MSRA: variants seen among roughly 807,000 people sequenced by gnomAD.
The protein encoded by MSRA is mitochondrial peptide methionine sulfoxide reductase.
A neutral mutation model predicts 31.3 loss-of-function variants in MSRA; 54 were observed. The ratio of observed to expected loss-of-function variants is 1.73; its 90% CI spans 1.39 to 2.17. The LOEUF is 2.17. Ranked by LOEUF, MSRA falls within the 30% of genes most tolerant of loss-of-function variation. The probability of loss-of-function intolerance (pLI) is 0.00; values close to 1 mark genes in which losing one functional copy is unlikely to be tolerated. For synonymous variants in MSRA, 169 were observed against 116.5 expected (o/e 1.45, Z -2.90); for missense variants, 507 against 300.9 (o/e 1.69, Z -5.07).
At chr8:10,412,448 T>C (rs1336320021) in intron 5 of MSRA, among the ~76,000 whole-genome samples, 1 of 152,196 alleles carries the variant, frequency 6.6e-6, no homozygotes, top group Non-Finnish European at 1.5e-5. Context: ...CCTGCAGAGA[T>C]ATTACATGTG....
chr8:10,196,763 G>A (rs1808027644), intron 1 of MSRA, among the ~76,000 whole-genome samples: 1 of 151,498 alleles, frequency 6.6e-6, no homozygotes, highest in Non-Finnish European at 1.5e-5. Context: ...GTAGAAATGG[G>A]GTTTCACCAT....
chr8:10,224,238 A>G (rs1325017717), intron 2 of MSRA, among the ~76,000 whole-genome samples: 1 of 152,184 alleles, frequency 6.6e-6, no homozygotes, highest in African/African-American at 2.4e-5. Context: ...CCAGATTAAG[A>G]AAATTACACT....
intron 5 of MSRA, among the ~76,000 whole-genome samples, chr8:10,359,093 G>C (rs138000957): frequency 1.3e-5 from 2 of 152,182 alleles, no homozygotes; most frequent in African/African-American, 4.8e-5. Context: ...AGCATGTGAT[G>C]TGCTTTTTCA....
chr8:10,332,102 A>G (rs796384823), intron 5 of MSRA, among the ~76,000 whole-genome samples: 1 of 152,158 alleles, frequency 6.6e-6, no homozygotes. Context: ...AATTGAGAAA[A>G]TGTCATGGTT....
At chr8:10,202,424 G>A (rs1293426987) in intron 1 of MSRA, among the ~76,000 whole-genome samples, 7 of 152,180 alleles carry the variant, frequency 4.6e-5, no homozygotes, top group African/African-American at 1.7e-4. Context: ...GATTTTCAGA[G>A]GTTTGTTATC....
Position 10,380,499 on chromosome 8 carries a change from G to A in MSRA, c.544-47649G>A, listed in dbSNP as rs563003271. Among the ~76,000 whole-genome samples the A allele has an allele frequency of 1.3e-3, 205 of 152,318 alleles. 1 individual carries two copies. Among genetic ancestry groups the A allele is most frequent in the East Asian group, 2.9e-3 (15 of 5,192 alleles). On this transcript the variant is annotated intron_variant, in intron 5 of 5. Coordinates refer to ENST00000317173, the MANE Select transcript of MSRA (RefSeq NM_012331.5). Reference sequence around the variant, plus strand: ...CAAGGGACTTATGAGAAATGCTGATGGTGTGGCCTCTTTTCCTGGGCAGTT... The same window carrying A: ...CAAGGGACTTATGAGAAATGCTGATAGTGTGGCCTCTTTTCCTGGGCAGTT...
chr8:10,055,118 G>C (rs1190450752), intron 1 of MSRA, among the ~76,000 whole-genome samples: 1 of 152,118 alleles, frequency 6.6e-6, no homozygotes, highest in Non-Finnish European at 1.5e-5. Flanking sequence ...GGAATGAGAC[G>C]AGACGATGAA....
At chr8:10,338,397 A>G (rs1411013768) in intron 5 of MSRA, among the ~76,000 whole-genome samples, 1 of 152,232 alleles carries the variant, frequency 6.6e-6, no homozygotes, top group Non-Finnish European at 1.5e-5. Flanking sequence ...TTTCAGATCC[A>G]CAGGAGGAAT....
intron 2 of MSRA, among the ~76,000 whole-genome samples, chr8:10,215,579 A>C (rs1037655341): frequency 6.6e-6 from 1 of 152,182 alleles, no homozygotes; most frequent in Non-Finnish European, 1.5e-5. Context: ...CCCGTAACTC[A>C]GGGATTTTGA....
intron 1 of MSRA, among the ~76,000 whole-genome samples, chr8:10,121,911 C>T (rs1801141956): frequency 6.6e-6 from 1 of 151,162 alleles, no homozygotes; most frequent in Admixed American, 6.6e-5. Context: ...AAACTCTTGG[C>T]CTCAAGTGAT....
chr8:10,413,207 G>T (rs1367157989), intron 5 of MSRA, among the ~76,000 whole-genome samples: 2 of 152,160 alleles, frequency 1.3e-5, no homozygotes, highest in East Asian at 3.9e-4. Context: ...AGAACCGTGG[G>T]GTCCCTGAAG....
At chr8:10,325,017 A>G (rs1802280811) in intron 5 of MSRA, among the ~76,000 whole-genome samples, 1 of 152,172 alleles carries the variant, frequency 6.6e-6, no homozygotes, top group South Asian at 2.1e-4. Context: ...AGCTGCACAA[A>G]GTGAATGGGG....
intron 5 of MSRA, among the ~76,000 whole-genome samples, chr8:10,342,772 G>A (rs865942120): frequency 6.6e-6 from 1 of 152,218 alleles, no homozygotes; most frequent in African/African-American, 2.4e-5. Context: ...TAATAACCCA[G>A]AGCTTCTGCC....
intron 2 of MSRA, among the ~76,000 whole-genome samples, chr8:10,214,085 C>T (rs576383565): frequency 6.6e-6 from 1 of 152,164 alleles, no homozygotes; most frequent in Non-Finnish European, 1.5e-5. Flanking sequence ...TTTTCCGGGT[C>T]AGATTCTCTG....
chr8:10,200,656 A>G (rs763849838), intron 1 of MSRA, among the ~76,000 whole-genome samples: 4 of 152,162 alleles, frequency 2.6e-5, no homozygotes, highest in Admixed American at 1.3e-4. Flanking sequence ...ACCCAGCACC[A>G]TGTTTGTCCC....
At chr8:10,330,254 T>C (rs1484915555) in intron 5 of MSRA, among the ~76,000 whole-genome samples, 4 of 151,782 alleles carry the variant, frequency 2.6e-5, no homozygotes, top group Non-Finnish European at 5.9e-5. Context: ...AGTGACCCAA[T>C]ATACATTATT....
At chr8:10,076,928 A>T (rs1230356521) in intron 1 of MSRA, among the ~76,000 whole-genome samples, 1 of 152,026 alleles carries the variant, frequency 6.6e-6, no homozygotes, top group Non-Finnish European at 1.5e-5. Context: ...AGAAAAAAAA[A>T]GCTAATGCCT....
At chr8:10,077,236 G>A (rs1212404403) in intron 1 of MSRA, among the ~76,000 whole-genome samples, 3 of 152,090 alleles carry the variant, frequency 2.0e-5, no homozygotes, top group Non-Finnish European at 4.4e-5. Context: ...AGAGAGGGAG[G>A]GCGAGAGCCA....
At chr8:10,316,134 C>T (rs1214464345) in intron 4 of MSRA, among the ~76,000 whole-genome samples, 1 of 152,098 alleles carries the variant, frequency 6.6e-6, no homozygotes, top group Non-Finnish European at 1.5e-5. Flanking sequence ...ATGCAAAGAA[C>T]ATTGTGCAGG....
Sources: allele counts gnomAD v4.1 joint callset (sites outside exome capture counted in the v4.1 genomes callset), GRCh38; gene constraint gnomAD v4.1.1; transcripts MANE v1.5; gene names NCBI Gene and HGNC (gene_info 2026-07-23, HGNC 2026-07-21).